AHCYL2: variants seen among roughly 807,000 people sequenced by gnomAD.
AHCYL2 encodes adenosylhomocysteinase like 2.
In AHCYL2, 28 loss-of-function variants were observed where a neutral mutation model predicts 81.4. That is an observed-to-expected ratio of 0.34 (90% confidence interval 0.25 to 0.47). The LOEUF is 0.47. Ranked by LOEUF, AHCYL2 falls within the 20% of genes least tolerant of loss-of-function variation. The pLI, the probability that AHCYL2 is intolerant of heterozygous loss-of-function variation, is 1.00. For synonymous variants in AHCYL2, 272 were observed against 290.2 expected (o/e 0.94, Z 0.64); for missense variants, 551 against 785.1 (o/e 0.70, Z 3.56).
At chr7:129,405,715 C>T (rs1796272889) in intron 8 of AHCYL2, 121 bp from the exon 9 acceptor site, 3 of 848,438 alleles carry the variant, frequency 3.5e-6, no homozygotes, top group African/African-American at 1.7e-5. Flanking sequence ...ATAAAGAAAC[C>T]AGACTTTCTT....
chr7:129,274,412 AG>A (rs1796125533), intron 1 of AHCYL2, among the ~76,000 whole-genome samples: 1 of 152,172 alleles, frequency 6.6e-6, no homozygotes, highest in African/African-American at 2.4e-5. Flanking sequence ...AGACTTTTGA[AG>A]GTCTTAGAAG....
rs755547224 is a variant in AHCYL2 at position 129,225,036 on chromosome 7, A to C, written c.-41A>C. On this transcript the variant is annotated 5_prime_UTR_variant, in exon 1 of 17. Transcript: ENST00000325006. ...GTGGGAGGCGGGGCCGACCAAGAGC[A>C]GGAGCTGGAGTCTGAGCCGGTGGTT... 1.3e-6 allele frequency: 2 copies of C among 1,560,740 alleles called. No individual in the cohort carries two copies. Among genetic ancestry groups the C allele is most frequent in the Non-Finnish European group, 8.7e-7 (1 of 1,155,194 alleles).
intron 1 of AHCYL2, among the ~76,000 whole-genome samples, chr7:129,297,131 T>C (rs1430453201): frequency 1.3e-5 from 2 of 152,210 alleles, no homozygotes; most frequent in Non-Finnish European, 2.9e-5. Context: ...AGTAGGGTGA[T>C]TGGGGATGTG....
intron 1 of AHCYL2, among the ~76,000 whole-genome samples, chr7:129,365,892 G>A (rs1048968814): frequency 6.6e-6 from 1 of 151,914 alleles, no homozygotes; most frequent in Non-Finnish European, 1.5e-5. Context: ...TTGGAGGGGG[G>A]CGGGAAAGGA....
intron 1 of AHCYL2, among the ~76,000 whole-genome samples, chr7:129,242,450 G>C (rs1794894867): frequency 6.6e-6 from 1 of 152,090 alleles, no homozygotes; most frequent in African/African-American, 2.4e-5. Context: ...GGGTGCAGTG[G>C]CTCACGCCTA....
intron 1 of AHCYL2, among the ~76,000 whole-genome samples, chr7:129,299,379 T>G (rs1418935875): frequency 1.2e-4 from 4 of 34,566 alleles, no homozygotes; most frequent in Non-Finnish European, 2.0e-4. Context: ...GTTTTTTTTT[T>G]TTTTTTTTTT....
chr7:129,371,110 C>T (rs757499204), intron 1 of AHCYL2, among the ~76,000 whole-genome samples: 1 of 152,134 alleles, frequency 6.6e-6, no homozygotes, highest in African/African-American at 2.4e-5. Flanking sequence ...AGAAAAAAAC[C>T]GTTGCTCCAG....
At chr7:129,303,857 G>A (rs1402881559) in intron 1 of AHCYL2, among the ~76,000 whole-genome samples, 1 of 152,042 alleles carries the variant, frequency 6.6e-6, no homozygotes, top group Non-Finnish European at 1.5e-5. Flanking sequence ...GGCTGAGGCG[G>A]GTGAATTGCC....
chr7:129,353,799 A>G (rs1384450646), intron 1 of AHCYL2, among the ~76,000 whole-genome samples: 1 of 151,476 alleles, frequency 6.6e-6, no homozygotes, highest in East Asian at 1.9e-4. Flanking sequence ...TGAAGAGGAC[A>G]CAGAGACTAG....
chr7:129,308,307 T>C (rs908710767), intron 1 of AHCYL2, among the ~76,000 whole-genome samples: 1 of 152,188 alleles, frequency 6.6e-6, no homozygotes, highest in Non-Finnish European at 1.5e-5. Flanking sequence ...CTAGGGCTTT[T>C]CTGAATGCTC....
At chr7:129,301,833 T>TAA (rs1306265706) in intron 1 of AHCYL2, among the ~76,000 whole-genome samples, 2 of 152,172 alleles carry the variant, frequency 1.3e-5, no homozygotes, top group Non-Finnish European at 2.9e-5. Context: ...ATGATAGCTT[T>TAA]GACTATTCTG....
intron 1 of AHCYL2, among the ~76,000 whole-genome samples, chr7:129,295,330 A>G (rs963866821): frequency 3.3e-5 from 5 of 152,226 alleles, no homozygotes; most frequent in Admixed American, 2.6e-4. Flanking sequence ...AGGGATGTGC[A>G]TTGCTGAGCA....
intron 12 of AHCYL2, among the ~76,000 whole-genome samples, chr7:129,421,942 C>T (rs564850778): frequency 2.6e-5 from 4 of 152,284 alleles, no homozygotes; most frequent in South Asian, 2.1e-4. Context: ...TAACTAAAAG[C>T]GTTTCTTTTT....
rs558855650 is a variant in AHCYL2 at position 129,382,411 on chromosome 7, C to T, written c.475+2662C>T. On this transcript the variant is annotated intron_variant, in intron 2 of 16. Coordinates refer to ENST00000325006, the MANE Select transcript of AHCYL2 (RefSeq NM_015328.4). ...GGTCAGGCATTCAAGACCAGCCTTG[C>T]TAACACGGTGAAACCCCGTCTCCAC... is the stretch of plus-strand genomic sequence containing the variant. 7.2e-5 allele frequency among the ~76,000 whole-genome samples: 11 copies of T among 152,240 alleles called. 1 individual carries two copies. Among genetic ancestry groups the T allele is most frequent in the African/African-American group, 2.6e-4 (11 of 41,534 alleles).
chr7:129,229,059 G>A (rs2150671867), intron 1 of AHCYL2, among the ~76,000 whole-genome samples: 1 of 53,480 alleles, frequency 1.9e-5, no homozygotes, highest in South Asian at 1.6e-3. Flanking sequence ...CCAATAATTA[G>A]CCTTTTTTTT....
chr7:129,247,370 T>TA (rs1420956711), intron 1 of AHCYL2, among the ~76,000 whole-genome samples: 3 of 152,360 alleles, frequency 2.0e-5, no homozygotes, highest in Admixed American at 2.0e-4. Context: ...TCTTTTTTGC[T>TA]AAAATGACTG....
intron 1 of AHCYL2, among the ~76,000 whole-genome samples, chr7:129,325,557 T>C (rs754223028): frequency 1.3e-5 from 2 of 152,124 alleles, no homozygotes; most frequent in Non-Finnish European, 2.9e-5. Context: ...GATTAATGGG[T>C]TTGTAGTTTT....
At chr7:129,389,599 T>C (rs1414242513) in intron 3 of AHCYL2, 35 bp from the exon 4 acceptor site, 1 of 1,498,112 alleles carries the variant, frequency 6.7e-7, no homozygotes, top group Non-Finnish European at 9.2e-7. Context: ...TATTCCTTCT[T>C]CTTTAATATT....
At position 129,406,188 on chromosome 7, in the gene AHCYL2, G is replaced by A. The variant is rs1001346630; in HGVS notation, c.1207-190G>A. Among the ~76,000 whole-genome samples the A allele has an allele frequency of 6.6e-6, 1 of 151,972 alleles. No individual in the cohort carries two copies. Among genetic ancestry groups the A allele is most frequent in the African/African-American group, 2.4e-5 (1 of 41,370 alleles). ...TGGGTGTTCTTGTGCACATGAATGC[G>A]ATAAGCAGGAGCCAGGGGTTTGTTT... On this transcript the variant is annotated intron_variant, in intron 9 of 16. Coordinates refer to ENST00000325006, the MANE Select transcript of AHCYL2 (RefSeq NM_015328.4). This position sits in a 1 kb window ranked among gnomAD's most constrained non-coding sequence, Gnocchi z 4.3.
Sources: allele counts gnomAD v4.1 joint callset (sites outside exome capture counted in the v4.1 genomes callset), GRCh38; gene constraint gnomAD v4.1.1; non-coding constraint Gnocchi (gnomAD v3.1); transcripts MANE v1.5; gene names NCBI Gene and HGNC (gene_info 2026-07-23, HGNC 2026-07-21).